BCKDHB: variants seen among roughly 807,000 people sequenced by gnomAD.
BCKDHB encodes the protein branched chain keto acid dehydrogenase E1 subunit beta.
Under a neutral mutation model 48.5 loss-of-function variants are expected in BCKDHB, and 41 were observed. The ratio of observed to expected loss-of-function variants is 0.85; its 90% CI spans 0.66 to 1.10. The LOEUF (loss-of-function observed/expected upper bound fraction) is 1.10, where lower values mean the gene tolerates loss of function less well. BCKDHB is among the 50% of genes least tolerant of loss of function. The pLI is 0.00. For synonymous variants in BCKDHB, 201 were observed against 174.8 expected (o/e 1.15, Z -1.18); for missense variants, 496 against 494.2 (o/e 1.00, Z -0.03).
At chr6:80,193,788 A>G (rs1774013191) in intron 6 of BCKDHB, among the ~76,000 whole-genome samples, 1 of 151,664 alleles carries the variant, frequency 6.6e-6, no homozygotes, top group African/African-American at 2.4e-5. Flanking sequence ...TGATATATTT[A>G]GACTGTTGAT....
At chr6:80,287,627 T>C (rs652713) in intron 9 of BCKDHB, among the ~76,000 whole-genome samples, 120,985 of 151,976 alleles carry the variant, frequency 0.8, 48,345 homozygotes, top group Admixed American at 0.87. Flanking sequence ...AGCAAAGAGA[T>C]GGGTCCTGTA....
chr6:80,134,961 A>G, intron 3 of BCKDHB, among the ~76,000 whole-genome samples: 1 of 152,070 alleles, frequency 6.6e-6, no homozygotes. Context: ...CATGTTGGCC[A>G]GGCTGGTCTC....
the BCKDHB span, among the ~76,000 whole-genome samples, chr6:80,418,352 A>G: frequency 6.6e-6 from 1 of 152,188 alleles, no homozygotes; most frequent in East Asian, 1.9e-4. Context: ...GTTTGGAGGT[A>G]AGAAGGCACT....
At chr6:80,125,414 T>G (rs1170565053) in intron 1 of BCKDHB, among the ~76,000 whole-genome samples, 3 of 152,224 alleles carry the variant, frequency 2.0e-5, no homozygotes, top group Non-Finnish European at 4.4e-5. Flanking sequence ...ATCATTTGTG[T>G]GCTTACTGGA....
chr6:80,314,585 A>G (rs1470689776), intron 9 of BCKDHB, among the ~76,000 whole-genome samples: 1 of 152,254 alleles, frequency 6.6e-6, no homozygotes, highest in African/African-American at 2.4e-5. Flanking sequence ...TCGGGGTCTC[A>G]TTTAAAGAAG....
At chr6:80,353,966 T>C in the BCKDHB span, among the ~76,000 whole-genome samples, 1 of 152,250 alleles carries the variant, frequency 6.6e-6, no homozygotes, top group Non-Finnish European at 1.5e-5. Context: ...TTCATACACC[T>C]GTAGGAAATT....
At chr6:80,332,022 A>G (rs555745593) in intron 9 of BCKDHB, among the ~76,000 whole-genome samples, 1 of 152,338 alleles carries the variant, frequency 6.6e-6, no homozygotes, top group Admixed American at 6.5e-5. Flanking sequence ...TTATATGCAT[A>G]TATAATTTTT....
chr6:80,270,776 G>A (rs939112164), intron 8 of BCKDHB, among the ~76,000 whole-genome samples: 3 of 152,106 alleles, frequency 2.0e-5, no homozygotes, highest in Admixed American at 1.3e-4. Flanking sequence ...AGTGGGATGG[G>A]AAGACTGGCT....
At chr6:80,419,088 C>A in the BCKDHB span, among the ~76,000 whole-genome samples, 4 of 152,270 alleles carry the variant, frequency 2.6e-5, no homozygotes, top group South Asian at 8.3e-4. Context: ...TCTTTGCCTG[C>A]CAAGACCTCA....
intron 6 of BCKDHB, among the ~76,000 whole-genome samples, chr6:80,176,580 G>A (rs926808613): frequency 1.3e-5 from 2 of 151,990 alleles, no homozygotes; most frequent in Non-Finnish European, 2.9e-5. Flanking sequence ...TGGCAGGATG[G>A]AAACTTACCT....
At chr6:80,436,142 CTTTTCTTT>C in the BCKDHB span, among the ~76,000 whole-genome samples, 1 of 47,106 alleles carries the variant, frequency 2.1e-5, no homozygotes. Flanking sequence ...CTGAAAAATT[CTTTTCTTT>C]TTTTTTTTTT....
At chr6:80,385,888 A>G in the BCKDHB span, among the ~76,000 whole-genome samples, 1 of 152,182 alleles carries the variant, frequency 6.6e-6, no homozygotes, top group South Asian at 2.1e-4. Context: ...GGCTGAATTT[A>G]TTGATTGGGG....
chr6:80,239,455 T>A (rs1439688584), intron 8 of BCKDHB, among the ~76,000 whole-genome samples: 2 of 152,196 alleles, frequency 1.3e-5, no homozygotes, highest in Non-Finnish European at 2.9e-5. Context: ...GGTTGTTTGA[T>A]TTTTTCTTGT....
intron 1 of BCKDHB, among the ~76,000 whole-genome samples, chr6:80,124,307 T>G (rs1324508693): frequency 6.6e-6 from 1 of 152,222 alleles, no homozygotes; most frequent in African/African-American, 2.4e-5. Flanking sequence ...AGTGCTTTAC[T>G]TCCAGTTATG....
the BCKDHB span, among the ~76,000 whole-genome samples, chr6:80,379,779 G>A: frequency 1.4e-5 from 2 of 146,030 alleles, no homozygotes; most frequent in Non-Finnish European, 3.0e-5. Context: ...TACATAATTA[G>A]TAGCATTTAT....
chr6:80,369,828 C>T, the BCKDHB span, among the ~76,000 whole-genome samples: 1 of 152,138 alleles, frequency 6.6e-6, no homozygotes, highest in African/African-American at 2.4e-5. Flanking sequence ...CCATTCAAAC[C>T]TGCATTCTGG....
chr6:80,223,248 A>G (rs1337165534), intron 8 of BCKDHB, among the ~76,000 whole-genome samples: 1 of 152,158 alleles, frequency 6.6e-6, no homozygotes, highest in Non-Finnish European at 1.5e-5. Context: ...ATACAATATT[A>G]TTGCTTAAGG....
At chr6:80,132,280 T>G (rs964029580) in intron 3 of BCKDHB, among the ~76,000 whole-genome samples, 1 of 152,060 alleles carries the variant, frequency 6.6e-6, no homozygotes, top group Non-Finnish European at 1.5e-5. Flanking sequence ...GCTGCACCTT[T>G]TAAATCTTGA....
the BCKDHB span, among the ~76,000 whole-genome samples, chr6:80,352,185 C>T: frequency 1.3e-5 from 2 of 150,626 alleles, no homozygotes; most frequent in African/African-American, 4.9e-5. Flanking sequence ...GGCCATGTTG[C>T]CCAGGCTGGT....
Sources: gnomAD v4.1 joint callset for allele counts (sites outside exome capture counted in the v4.1 genomes callset) on GRCh38, gnomAD v4.1.1 for gene constraint, MANE v1.5 for transcripts, NCBI Gene and HGNC (gene_info 2026-07-23, HGNC 2026-07-21) for gene names.